The following SLC22A2 variants were observed in gnomAD, a reference collection of about 807,000 sequenced individuals.
The protein encoded by SLC22A2 is organic cation transporter 2.
SLC22A2 carries 46 observed loss-of-function variants against 60.5 expected under a neutral mutation model. The ratio of observed to expected loss-of-function variants is 0.76; its 90% CI spans 0.60 to 0.97. SLC22A2 has a LOEUF of 0.97. Among genes scored for constraint, SLC22A2 ranks in the 50% least tolerant of loss-of-function variants. SLC22A2 has a pLI of 0.00. For synonymous variants in SLC22A2, 303 were observed against 267.0 expected (o/e 1.13, Z -1.31); for missense variants, 701 against 706.6 (o/e 0.99, Z 0.09).
Position 160,241,400 on chromosome 6 carries a change from A to G in SLC22A2, c.1501+74T>C, listed in dbSNP as rs1782997961. 4 of 905,486 alleles carry G rather than the reference A, an allele frequency of 4.4e-6. 1 individual carries two copies. The East Asian group carries it at 9.8e-5, about 22-fold the overall frequency. The allele number at this position is 905,486 out of a possible 1,614,324, so 56.1% of individuals were successfully genotyped here. On this transcript the variant is annotated intron_variant, in intron 9 of 10. Transcript: ENST00000366953. The stretch of plus-strand genomic sequence containing the variant: ...ACTAATAGGCATGACACCTGTTTTG[A>G]ATGAAGTAGAAGAGAAGTGAAGGTC...
chr6:160,244,562 G>A (rs917568689), intron 6 of SLC22A2: 4 of 152,070 alleles, frequency 2.6e-5, no homozygotes, highest in Non-Finnish European at 5.9e-5. Context: ...GGCCTGTTAC[G>A]AACAACATTT....
At chr6:160,234,501 A>C (rs1468315295) in intron 9 of SLC22A2, among the ~76,000 whole-genome samples, 2 of 152,060 alleles carry the variant, frequency 1.3e-5, no homozygotes, top group Non-Finnish European at 2.9e-5. Context: ...CTGCCGCCCC[A>C]CCAGACAATG....
At chr6:160,245,680 C>T in intron 5 of SLC22A2, 135 bp from the exon 6 acceptor site, 2 of 410,506 alleles carry the variant, frequency 4.9e-6, no homozygotes, top group Non-Finnish European at 8.7e-6. Flanking sequence ...ACTTTCCATA[C>T]TGTGTCCCAT....
chr6:160,237,076 A>G (rs1782922588), intron 9 of SLC22A2, among the ~76,000 whole-genome samples: 1 of 152,180 alleles, frequency 6.6e-6, no homozygotes, highest in South Asian at 2.1e-4. Context: ...ACAATGGTAT[A>G]CCTGTTATTA....
At chr6:160,248,555 T>C (rs1783133601) in intron 4 of SLC22A2, among the ~76,000 whole-genome samples, 1 of 152,130 alleles carries the variant, frequency 6.6e-6, no homozygotes, top group African/African-American at 2.4e-5. Context: ...AATAAATGGG[T>C]TGTAGCATGG....
intron 4 of SLC22A2, among the ~76,000 whole-genome samples, chr6:160,248,237 C>G (rs1035744596): frequency 6.6e-6 from 1 of 152,128 alleles, no homozygotes; most frequent in African/African-American, 2.4e-5. Flanking sequence ...GGAAGAGAGA[C>G]TAGAGTGTTA....
At chr6:160,228,074 G>A (rs1411847028) in intron 9 of SLC22A2, among the ~76,000 whole-genome samples, 3 of 152,356 alleles carry the variant, frequency 2.0e-5, no homozygotes, top group Non-Finnish European at 4.4e-5. Flanking sequence ...CTCTGCCTGT[G>A]GAGTAGCCAT....
intron 9 of SLC22A2, among the ~76,000 whole-genome samples, chr6:160,227,390 A>C (rs963608526): frequency 6.6e-6 from 1 of 152,212 alleles, no homozygotes; most frequent in African/African-American, 2.4e-5. Flanking sequence ...AAAATCTTTG[A>C]ATCCACCTAT....
Position 160,247,193 on chromosome 6 carries a change from G to A in SLC22A2, c.948C>T (p.Ala316=). The part of the protein sequence containing the change: ...IAKKNGKSLP[A]SLQRLRLEEE... Reference sequence around the variant, plus strand: ...TAAGGCCCTGGCTCACCTGAAGGGAGGCGGGTAGAGATTTTCCATTTTTCT... The same window carrying A: ...TAAGGCCCTGGCTCACCTGAAGGGAAGCGGGTAGAGATTTTCCATTTTTCT... The change falls in exon 5 of 11, where the codon GCC becomes GCT. Residue 316 remains alanine, a synonymous_variant. Transcript: ENST00000366953. The A allele has an allele frequency of 6.3e-7, 1 of 1,593,456 alleles. No individual in the cohort carries two copies. Among genetic ancestry groups the A allele is most frequent in the East Asian group, 2.2e-5 (1 of 44,748 alleles).
chr6:160,254,547 A>G (rs1055158925), intron 2 of SLC22A2, among the ~76,000 whole-genome samples: 2 of 152,214 alleles, frequency 1.3e-5, no homozygotes, highest in African/African-American at 4.8e-5. Flanking sequence ...GATCCATGAC[A>G]TTCTTGTCCT....
At chr6:160,252,722 G>A (rs1783208665) in intron 2 of SLC22A2, among the ~76,000 whole-genome samples, 1 of 152,190 alleles carries the variant, frequency 6.6e-6, no homozygotes. Context: ...AGAATTTTGG[G>A]CCCACCCAGA....
intron 9 of SLC22A2, among the ~76,000 whole-genome samples, chr6:160,235,075 T>G (rs1562433599): frequency 6.6e-6 from 1 of 152,218 alleles, no homozygotes; most frequent in Non-Finnish European, 1.5e-5. Flanking sequence ...TGGAACTCCT[T>G]GGGAAAAACA....
chr6:160,256,536 C>T lies in SLC22A2; in HGVS notation c.518+78G>A. 2.2e-5 allele frequency: 20 copies of T among 928,494 alleles called. No homozygotes were observed. The South Asian group carries it at 2.2e-4, about 10-fold the overall frequency. The allele number at this position is 928,494 out of a possible 1,614,324, so 57.5% of individuals were successfully genotyped here. On this transcript the variant is annotated intron_variant, in intron 2 of 10. Coordinates refer to ENST00000366953, the MANE Select transcript of SLC22A2 (RefSeq NM_003058.4). ...TGTGTGCTTGGGAAAGGATGGGATTCAAGCAGGGGCAGGTGCATCCAAGTG... is the reference window on the plus strand; with the variant it reads ...TGTGTGCTTGGGAAAGGATGGGATTTAAGCAGGGGCAGGTGCATCCAAGTG...
intron 9 of SLC22A2, among the ~76,000 whole-genome samples, chr6:160,235,222 G>C (rs557592432): frequency 2.6e-5 from 4 of 152,136 alleles, no homozygotes; most frequent in African/African-American, 4.8e-5. Flanking sequence ...TTTTTGACTT[G>C]GAGGGTATCA....
intron 6 of SLC22A2, chr6:160,245,110 G>T (rs916911937): frequency 5.9e-6 from 1 of 169,396 alleles, no homozygotes. Context: ...ATCACCTGGA[G>T]AATTAAAAAA....
At chr6:160,225,348 TG>T (rs1229759699) in intron 9 of SLC22A2, among the ~76,000 whole-genome samples, 1 of 152,174 alleles carries the variant, frequency 6.6e-6, no homozygotes, top group Non-Finnish European at 1.5e-5. Flanking sequence ...AACACTTACA[TG>T]TTTTTGTTTC....
rs1783147285 is a variant in SLC22A2 at position 160,249,334 on chromosome 6, G to C, written c.724C>G (p.Gln242Glu). 1.2e-6 allele frequency: 2 copies of C among 1,613,074 alleles called. No individual in the cohort carries two copies. Among genetic ancestry groups the C allele is most frequent in the African/African-American group, 1.3e-5 (1 of 74,856 alleles). The change falls in exon 4 of 11, where the codon CAA becomes GAA. Residue 242 changes from glutamine to glutamate, a missense_variant. By Grantham distance (29) the Gln-to-Glu change is conservative. Transcript: ENST00000366953. ...RYRRTVGIFY[Q>E]VAYTVGLLVL... is the part of the protein sequence containing the mutation. Reference sequence around the variant, plus strand: ...AGGAGCCCAACTGTATAGGCAACTTGGTAAAAAATCCCCACTGTTCTCCGA... The same window carrying C: ...AGGAGCCCAACTGTATAGGCAACTTCGTAAAAAATCCCCACTGTTCTCCGA...
At chr6:160,231,310 C>T (rs548747865) in intron 9 of SLC22A2, among the ~76,000 whole-genome samples, 1 of 151,882 alleles carries the variant, frequency 6.6e-6, no homozygotes, top group African/African-American at 2.4e-5. Context: ...TGGACTACAG[C>T]CACATCTCAT....
chr6:160,247,357 A>G (rs2279463), intron 4 of SLC22A2, 59 bp from the exon 5 acceptor site: 105,141 of 871,950 alleles, frequency 0.12, 7,137 homozygotes, highest in African/African-American at 0.2. Flanking sequence ...CCCATCCCCC[A>G]TTTTTTTATA....
Sources: gnomAD v4.1 joint callset for allele counts (sites outside exome capture counted in the v4.1 genomes callset) on GRCh38, gnomAD v4.1.1 for gene constraint, MANE v1.5 for transcripts, NCBI Gene and HGNC (gene_info 2026-07-23, HGNC 2026-07-21) for gene names.